GLIS3: variants seen among roughly 807,000 people sequenced by gnomAD.
The protein encoded by GLIS3 is GLIS family zinc finger 3, also known as zinc finger protein GLIS3.
Under a neutral mutation model 78.6 loss-of-function variants are expected in GLIS3, and 53 were observed. The ratio of observed to expected loss-of-function variants is 0.67; its 90% CI spans 0.54 to 0.85. The LOEUF is 0.85. Ranked by LOEUF, GLIS3 falls within the 40% of genes least tolerant of loss-of-function variation. The pLI is 0.00. For missense variants in GLIS3, 1,703 were observed against 1,231.1 expected (o/e 1.38, Z -5.74); for synonymous variants, 684 against 509.9 (o/e 1.34, Z -4.60).
chr9:4,182,642 T>A (rs922522307), intron 2 of GLIS3, among the ~76,000 whole-genome samples: 3 of 152,210 alleles, frequency 2.0e-5, no homozygotes, highest in Non-Finnish European at 4.4e-5. Flanking sequence ...CATCTTCCTC[T>A]TTTATATGGG....
At chr9:3,958,022 C>G (rs1445129459) in intron 4 of GLIS3, among the ~76,000 whole-genome samples, 2 of 152,186 alleles carry the variant, frequency 1.3e-5, no homozygotes, top group East Asian at 1.9e-4. Flanking sequence ...TTATGAAAAG[C>G]TAACTGGTAA....
chr9:4,449,783 G>C, the GLIS3 span, among the ~76,000 whole-genome samples: 2 of 152,146 alleles, frequency 1.3e-5, no homozygotes, highest in African/African-American at 4.8e-5. Flanking sequence ...ACAACAAACA[G>C]AAAGGAATAG....
chr9:4,435,676 G>A, the GLIS3 span, among the ~76,000 whole-genome samples: 5 of 152,192 alleles, frequency 3.3e-5, no homozygotes, highest in South Asian at 2.1e-4. Flanking sequence ...TAGGCCAGGC[G>A]CGGTGGCTCA....
chr9:3,857,898 T>C (rs948891247), intron 8 of GLIS3, among the ~76,000 whole-genome samples: 5 of 152,326 alleles, frequency 3.3e-5, no homozygotes, highest in African/African-American at 1.2e-4. Context: ...TAACGTGTCT[T>C]ACAAGTTGCT....
the GLIS3 span, among the ~76,000 whole-genome samples, chr9:4,392,165 C>T: frequency 6.6e-6 from 1 of 151,660 alleles, no homozygotes; most frequent in South Asian, 2.1e-4. Context: ...CCAACCAGCA[C>T]AAGTTCTCAC....
intron 2 of GLIS3, among the ~76,000 whole-genome samples, chr9:4,148,171 C>T (rs1461272543): frequency 1.3e-5 from 2 of 152,112 alleles, no homozygotes; most frequent in African/African-American, 2.4e-5. Flanking sequence ...AATCCCTCCC[C>T]CCTTTTTCTT....
intron 6 of GLIS3, among the ~76,000 whole-genome samples, chr9:3,902,360 T>C (rs540220710): frequency 8.5e-5 from 13 of 152,352 alleles, no homozygotes; most frequent in Non-Finnish European, 1.8e-4. Flanking sequence ...TTTTTAAACA[T>C]TCTCTAGTAC....
intron 2 of GLIS3, among the ~76,000 whole-genome samples, chr9:4,274,899 G>C (rs1005103356): frequency 6.6e-6 from 1 of 152,174 alleles, no homozygotes; most frequent in Non-Finnish European, 1.5e-5. Flanking sequence ...AATTATACTT[G>C]AGTAGCAAGG....
At chr9:4,444,382 C>A in the GLIS3 span, among the ~76,000 whole-genome samples, 4 of 152,334 alleles carry the variant, frequency 2.6e-5, no homozygotes, top group Admixed American at 1.3e-4. Context: ...TTTCCCCTAA[C>A]CTTCCTGTCT....
intron 2 of GLIS3, among the ~76,000 whole-genome samples, chr9:4,279,324 T>TAGACAC (rs1234969923): frequency 1.2e-5 from 1 of 84,926 alleles, no homozygotes; most frequent in East Asian, 3.2e-4. Context: ...AATATATATA[T>TAGACAC]ACACACACAC....
chr9:4,153,203 T>C (rs996279466), intron 2 of GLIS3, among the ~76,000 whole-genome samples: 6 of 152,222 alleles, frequency 3.9e-5, no homozygotes, highest in African/African-American at 1.4e-4. Context: ...CCTTTCCTTA[T>C]TCACTACCTT....
intron 7 of GLIS3, among the ~76,000 whole-genome samples, chr9:3,882,845 A>ATGAC (rs1162689772): frequency 2.0e-5 from 3 of 152,180 alleles, no homozygotes; most frequent in Admixed American, 6.5e-5. Flanking sequence ...AACAAGGTCT[A>ATGAC]TGACTTGCCT....
chr9:3,999,990 G>C (rs1232739093), intron 4 of GLIS3, among the ~76,000 whole-genome samples: 1 of 152,104 alleles, frequency 6.6e-6, no homozygotes, highest in Non-Finnish European at 1.5e-5. Flanking sequence ...CTCTCCAAGG[G>C]AAACTCTCGT....
intron 2 of GLIS3, among the ~76,000 whole-genome samples, chr9:4,181,404 G>A (rs1026851241): frequency 6.6e-6 from 1 of 152,216 alleles, no homozygotes; most frequent in Non-Finnish European, 1.5e-5. Flanking sequence ...GTAACAGCCA[G>A]GTAGTCCAGA....
At chr9:3,928,732 T>G (rs979360155) in intron 6 of GLIS3, among the ~76,000 whole-genome samples, 6 of 152,216 alleles carry the variant, frequency 3.9e-5, no homozygotes, top group South Asian at 2.1e-4. Flanking sequence ...TATGCTTGGT[T>G]TATAACAGCC....
chr9:4,241,236 C>A (rs1176191397), intron 2 of GLIS3, among the ~76,000 whole-genome samples: 1 of 152,130 alleles, frequency 6.6e-6, no homozygotes, highest in African/African-American at 2.4e-5. Flanking sequence ...GCCCTCCAAG[C>A]CTGAGGCAAA....
chr9:4,181,223 G>T (rs1163844207), intron 2 of GLIS3, among the ~76,000 whole-genome samples: 6 of 152,208 alleles, frequency 3.9e-5, no homozygotes, highest in Non-Finnish European at 8.8e-5. Flanking sequence ...TATTGGCCAG[G>T]CCCCACCCAT....
At chr9:4,013,739 G>GTTTA (rs1822219671) in intron 4 of GLIS3, among the ~76,000 whole-genome samples, 1 of 152,196 alleles carries the variant, frequency 6.6e-6, no homozygotes, top group African/African-American at 2.4e-5. Context: ...GAAGTCTTGA[G>GTTTA]TTAATAGAGT....
chr9:4,463,003 A>G, the GLIS3 span, among the ~76,000 whole-genome samples: 2 of 152,202 alleles, frequency 1.3e-5, no homozygotes, highest in African/African-American at 4.8e-5. Flanking sequence ...CCATGTCTGT[A>G]CCAACAATCT....
Sources: gnomAD v4.1 joint callset for allele counts (sites outside exome capture counted in the v4.1 genomes callset) on GRCh38, gnomAD v4.1.1 for gene constraint, MANE v1.5 for transcripts, NCBI Gene and HGNC (gene_info 2026-07-23, HGNC 2026-07-21) for gene names.